The following ST8SIA6 variants were observed in gnomAD, a reference collection of about 807,000 sequenced individuals.
ST8SIA6 encodes ST8 alpha-N-acetyl-neuraminide alpha-2,8-sialyltransferase 6.
ST8SIA6 carries 39 observed loss-of-function variants against 33.6 expected under a neutral mutation model. That is an observed-to-expected ratio of 1.16 (90% confidence interval 0.90 to 1.52). The LOEUF (loss-of-function observed/expected upper bound fraction) is 1.52. Among genes scored for constraint, ST8SIA6 ranks in the 40% most tolerant of loss-of-function variants. The pLI, the probability that ST8SIA6 is intolerant of heterozygous loss-of-function variation, is 0.00. For synonymous variants in ST8SIA6, 172 were observed against 167.2 expected (o/e 1.03, Z -0.22); for missense variants, 441 against 443.8 (o/e 0.99, Z 0.06).
rs770531538 is a variant in ST8SIA6, at chr10:17,321,296, G to A, written c.779C>T (p.Thr260Ile). 1 of 1,613,262 alleles carries A rather than the reference G, an allele frequency of 6.2e-7. No homozygotes were observed. The highest frequency in any genetic ancestry group is 1.1e-5 in the South Asian group (1 of 90,784). ...KKALFLEDIATYGDAFFLLPA... is the reference protein window; with the variant it reads ...KKALFLEDIAIYGDAFFLLPA... ...CAGAAGAAAAAATGCATCTCCATAGGTTGCAATGTCCTCCAGAAATAGGGC... is the reference window on the plus strand; with the variant it reads ...CAGAAGAAAAAATGCATCTCCATAGATTGCAATGTCCTCCAGAAATAGGGC... The change falls in exon 8 of 8, where the codon ACC (threonine) becomes ATC (isoleucine). Residue 260 changes from threonine to isoleucine, a missense_variant. Thr to Ile is a moderately conservative substitution (Grantham distance 89). Transcript: ENST00000377602.
chr10:17,390,770 T>C (rs1455701330), intron 2 of ST8SIA6, 150 bp from the exon 3 acceptor site: 1 of 578,952 alleles, frequency 1.7e-6, no homozygotes, highest in African/African-American at 1.9e-5. Context: ...AAAAGGAAAT[T>C]AATATTTTCA....
rs1220756248 is a variant in ST8SIA6, at chr10:17,454,103, G to A, written c.101+52C>T. ...CGATGGGCGGCTTGGGGGTCCGGGG[G>A]CGCCAGGCGGGGCGCGCGGCGCGGG... is the stretch of plus-strand genomic sequence containing the variant. On this transcript the variant is annotated intron_variant, in intron 1 of 7. Transcript: ENST00000377602. This position sits in a 1 kb window ranked among gnomAD's most constrained non-coding sequence, Gnocchi z 4.1. The A allele has an allele frequency of 1.6e-5, 4 of 256,320 alleles. No homozygotes were observed. The highest frequency in any genetic ancestry group is 1.5e-4 in the South Asian group (1 of 6,646). The allele number at this position is 256,320 out of a possible 1,614,324, so 15.9% of individuals were successfully genotyped here.
intron 2 of ST8SIA6, among the ~76,000 whole-genome samples, chr10:17,425,618 G>GAAGA (rs1465962329): frequency 7.6e-6 from 1 of 132,286 alleles, no homozygotes; most frequent in Non-Finnish European, 1.6e-5. Context: ...AAAGAGAAAG[G>GAAGA]AAGAAAGAAA....
Position 17,317,068 on chromosome 10 carries a change from T to C in ST8SIA6, c.*3810A>G, listed in dbSNP as rs1386378388. Reference sequence around the variant, plus strand: ...CATAATTCTCCTACATTTTCTTCTATGAGCTTTAAAGTTTTCTTTTTAATC... The same window carrying C: ...CATAATTCTCCTACATTTTCTTCTACGAGCTTTAAAGTTTTCTTTTTAATC... On this transcript the variant is annotated 3_prime_UTR_variant, in exon 8 of 8. Transcript: ENST00000377602. Among the ~76,000 whole-genome samples the C allele has an allele frequency of 6.6e-6, 1 of 152,206 alleles. No homozygotes were observed. Among genetic ancestry groups the C allele is most frequent in the Non-Finnish European group, 1.5e-5 (1 of 68,022 alleles).
At position 17,334,551 on chromosome 10, in the gene ST8SIA6, A is replaced by AAAATTATT. The variant is rs1554785997; in HGVS notation, c.378-3000_378-2999insAATAATTT. Among the ~76,000 whole-genome samples, 4 of 142,774 alleles carry AAAATTATT rather than the reference A, an allele frequency of 2.8e-5. No homozygotes were observed. In the South Asian group the frequency reaches 8.6e-4, roughly 31 times the overall value. 93.7% of individuals were successfully genotyped at this position (142,774 alleles called of 152,430 possible). A position where few individuals can be genotyped will look rare whatever the true frequency, so the allele number is the denominator to read the frequency against. ...GAGACTCCGTTTCAAAAAAAAAAAA[A>AAAATTATT]ATTATTATTATTATTATAATAATAA... On this transcript the variant is annotated intron_variant, in intron 4 of 7. Coordinates refer to ENST00000377602, the MANE Select transcript of ST8SIA6 (RefSeq NM_001004470.3).
Position 17,395,632 on chromosome 10 carries a change from G to C in ST8SIA6, c.201-5012C>G, listed in dbSNP as rs560143980. On this transcript the variant is annotated intron_variant, in intron 2 of 7. Transcript: ENST00000377602. ...GCATGGTGGCTAATGCCTGTAATCT[G>C]AGCACTTTGGGAGGCCAAGGCGGGC... is the stretch of plus-strand genomic sequence containing the variant. Among the ~76,000 whole-genome samples, 3 of 152,180 alleles carry C rather than the reference G, an allele frequency of 2.0e-5. No homozygotes were observed. In the South Asian group the frequency reaches 6.2e-4, roughly 32 times the overall value.
chr10:17,430,023 T>C (rs1401636135), intron 2 of ST8SIA6, among the ~76,000 whole-genome samples: 1 of 152,154 alleles, frequency 6.6e-6, no homozygotes, highest in African/African-American at 2.4e-5. Context: ...TGTACCTATG[T>C]GTAGTTTTTT....
intron 2 of ST8SIA6, among the ~76,000 whole-genome samples, chr10:17,430,902 T>A (rs1285609696): frequency 6.6e-6 from 1 of 152,182 alleles, no homozygotes. Context: ...TTGCTCAGTG[T>A]GATCTGGGGC....
chr10:17,331,206 T>G (rs1202039777), intron 5 of ST8SIA6, among the ~76,000 whole-genome samples: 1 of 152,180 alleles, frequency 6.6e-6, no homozygotes, highest in Non-Finnish European at 1.5e-5. Context: ...GCTTATCATT[T>G]AAGATATAAA....
At chr10:17,342,542 C>T (rs1012595836) in intron 4 of ST8SIA6, among the ~76,000 whole-genome samples, 7 of 152,160 alleles carry the variant, frequency 4.6e-5, no homozygotes, top group African/African-American at 1.7e-4. Context: ...CCAGCTGGGA[C>T]ATGGCTGCGA....
intron 2 of ST8SIA6, among the ~76,000 whole-genome samples, chr10:17,437,370 C>T (rs549516385): frequency 1.4e-4 from 21 of 152,278 alleles, no homozygotes; most frequent in African/African-American, 4.3e-4. Flanking sequence ...CATGGTCTCA[C>T]TATGTTGCTC....
chr10:17,375,557 T>C (rs1295485878), intron 3 of ST8SIA6, among the ~76,000 whole-genome samples: 1 of 152,200 alleles, frequency 6.6e-6, no homozygotes, highest in African/African-American at 2.4e-5. Flanking sequence ...GAAAATTCAA[T>C]TGTTCTCAGT....
intron 2 of ST8SIA6, among the ~76,000 whole-genome samples, chr10:17,451,939 A>G (rs72778952): frequency 0.09 from 13,642 of 152,308 alleles, 745 homozygotes; most frequent in South Asian, 0.18. Context: ...AAGTATGCCA[A>G]GTAGAAAAGA....
chr10:17,443,510 A>G (rs571816979), intron 2 of ST8SIA6, among the ~76,000 whole-genome samples: 1 of 152,232 alleles, frequency 6.6e-6, no homozygotes, highest in Non-Finnish European at 1.5e-5. Context: ...GCAAGATAAC[A>G]AAAATTGTTT....
rs780307794 is a variant in ST8SIA6, at chr10:17,321,222, A to G, written c.853T>C (p.Tyr285His). 3 of 1,614,122 alleles carry G rather than the reference A, an allele frequency of 1.9e-6. No individual in the cohort carries two copies. In the South Asian group the frequency reaches 3.3e-5, roughly 18 times the overall value. Reference protein sequence around the residue: ...ANTGTSFKVYYTLEESKARQK... With the variant: ...ANTGTSFKVYHTLEESKARQK... ...CTTGCTTTAGACTCTTCGAGCGTGTAGTATACTTTGAAAGAGGTACCCGTG... is the reference window on the plus strand; with the variant it reads ...CTTGCTTTAGACTCTTCGAGCGTGTGGTATACTTTGAAAGAGGTACCCGTG... Residue 285 changes from tyrosine to histidine, a missense_variant, in exon 8 of 8, where the codon TAC (tyrosine) becomes CAC (histidine). Coordinates refer to ENST00000377602, the MANE Select transcript of ST8SIA6 (RefSeq NM_001004470.3).
intron 4 of ST8SIA6, among the ~76,000 whole-genome samples, chr10:17,335,940 A>G (rs1259091669): frequency 6.7e-6 from 1 of 149,586 alleles, no homozygotes; most frequent in African/African-American, 2.5e-5. Context: ...TTTTTAAAAC[A>G]TTAATAGAGT....
chr10:17,385,650 A>G (rs1396865900), intron 3 of ST8SIA6, among the ~76,000 whole-genome samples: 1 of 152,100 alleles, frequency 6.6e-6, no homozygotes, highest in East Asian at 1.9e-4. Flanking sequence ...AGGTAATGTC[A>G]TCAGTAAAGG....
chr10:17,326,962 G>GA, intron 6 of ST8SIA6, 52 bp downstream of exon 6: 1 of 1,318,724 alleles, frequency 7.6e-7, no homozygotes, highest in Non-Finnish European at 1.1e-6. Context: ...ATCCCCCTCT[G>GA]AAATACCCAA....
chr10:17,349,782 A>G (rs1265953182), intron 4 of ST8SIA6, among the ~76,000 whole-genome samples: 2 of 152,228 alleles, frequency 1.3e-5, no homozygotes, highest in Non-Finnish European at 2.9e-5. Flanking sequence ...AGCTGAGCCT[A>G]GAAACCAGAC....
Sources: allele counts gnomAD v4.1 joint callset (sites outside exome capture counted in the v4.1 genomes callset), GRCh38; gene constraint gnomAD v4.1.1; non-coding constraint Gnocchi (gnomAD v3.1); transcripts MANE v1.5; gene names NCBI Gene and HGNC (gene_info 2026-07-23, HGNC 2026-07-21).